The following DNMBP variants were observed in gnomAD, a reference collection of about 807,000 sequenced individuals.
The protein encoded by DNMBP is dynamin-binding protein.
Under a neutral mutation model 150.0 loss-of-function variants are expected in DNMBP, and 87 were observed. The ratio of observed to expected loss-of-function variants is 0.58; its 90% confidence interval spans 0.49 to 0.69. DNMBP has a LOEUF of 0.69. Among genes scored for constraint, DNMBP ranks in the 30% least tolerant of loss-of-function variants. The probability of loss-of-function intolerance (pLI) is 0.00; values close to 1 mark genes in which losing one functional copy is unlikely to be tolerated. For synonymous variants in DNMBP, 711 were observed against 750.4 expected (o/e 0.95, Z 0.86); for missense variants, 1,774 against 1,949.0 (o/e 0.91, Z 1.69).
intron 4 of DNMBP, among the ~76,000 whole-genome samples, chr10:99,952,600 T>A (rs992320988): frequency 1.3e-5 from 2 of 152,210 alleles, no homozygotes; most frequent in African/African-American, 2.4e-5. Flanking sequence ...TTACACTGAA[T>A]GTGCTCTAGG....
chr10:99,894,996 A>G lies in DNMBP; in HGVS notation c.3106T>C (p.Leu1036=), dbSNP rs1425923853. The G allele has an allele frequency of 6.2e-7, 1 of 1,613,942 alleles. No individual in the cohort carries two copies. Among genetic ancestry groups the G allele is most frequent in the African/African-American group, 1.3e-5 (1 of 74,904 alleles). The change falls in exon 11 of 17, where the codon TTG becomes CTG. Residue 1036 remains leucine, a synonymous_variant. Transcript: ENST00000324109. ...TEKNFRMQER[L]IKSFIRDLSL... Reference sequence around the variant, plus strand: ...AGGTCTCGGATAAAAGACTTAATCAATCTTTCTTGCATTCGGAAGTTTTTT... The same window carrying G: ...AGGTCTCGGATAAAAGACTTAATCAGTCTTTCTTGCATTCGGAAGTTTTTT...
In DNMBP at chr10:99,969,176, CCT is replaced by C; in HGVS notation, c.205_206del (p.Arg69AlafsTer7). ...TGAATTCACAAATGCACACAAACAG[CCT>C]CTCTCCCTCTTTTAGACTGGGAATG... ...VTIPSLKEGE[R>X]LFVCICEFTS... On this transcript the variant is annotated frameshift_variant, in exon 3 of 17. Coordinates refer to ENST00000324109, the MANE Select transcript of DNMBP (RefSeq NM_015221.4). LOFTEE classifies it high-confidence loss of function. The C allele has an allele frequency of 6.2e-7, 1 of 1,613,988 alleles. No individual in the cohort carries two copies. The highest frequency in any genetic ancestry group is 8.5e-7 in the Non-Finnish European group (1 of 1,179,890).
Position 99,875,785 on chromosome 10 carries a change from C to T in DNMBP, c.*1366G>A, listed in dbSNP as rs1185118568. The T allele has an allele frequency of 6.6e-6, 1 of 152,150 alleles. No individual in the cohort carries two copies. Among genetic ancestry groups the T allele is most frequent in the Non-Finnish European group, 1.5e-5 (1 of 68,024 alleles). 9.4% of individuals were successfully genotyped at this position (152,150 alleles called of 1,614,324 possible). A position where few individuals can be genotyped will look rare whatever the true frequency, so the allele number is the denominator to read the frequency against. ...AGGAACAGGGGCTGTAAGGCTATTT[C>T]TTCCCTTTCTTTTAAAAGACAAATT... is the stretch of plus-strand genomic sequence containing the variant. On this transcript the variant is annotated 3_prime_UTR_variant, in exon 17 of 17. Coordinates refer to ENST00000324109, the MANE Select transcript of DNMBP (RefSeq NM_015221.4).
At chr10:99,885,203 T>C (rs1325743408) in intron 14 of DNMBP, among the ~76,000 whole-genome samples, 6 of 152,046 alleles carry the variant, frequency 3.9e-5, no homozygotes, top group Non-Finnish European at 7.4e-5. Flanking sequence ...TAATACTGGG[T>C]TAATCCCCTC....
intron 10 of DNMBP, 71 bp from the exon 11 acceptor site, chr10:99,895,121 G>GC (rs922636464): frequency 1.6e-6 from 1 of 632,848 alleles, no homozygotes; most frequent in Non-Finnish European, 2.4e-6. Context: ...AAAGTAGCTT[G>GC]CTTTTTTTTT....
rs138691154 is a variant in DNMBP at position 99,951,365 on chromosome 10, C to T, written c.2260+3849G>A. Among the ~76,000 whole-genome samples, 32 of 152,312 alleles carry T rather than the reference C, an allele frequency of 2.1e-4. No homozygotes were observed. The South Asian group carries it at 6.6e-3, about 32-fold the overall frequency. On this transcript the variant is annotated intron_variant, in intron 4 of 16. Transcript: ENST00000324109. ...CCTCTACACAGAGTCCCTACTGGGG[C>T]ACCACCTAGTGGAGCTGTGAGAAGA...
Position 100,009,944 on chromosome 10 carries a change from G to C in DNMBP, c.-117C>G, listed in dbSNP as rs1396854120. On this transcript the variant is annotated 5_prime_UTR_variant, in exon 1 of 17. Transcript: ENST00000324109. Reference sequence around the variant, plus strand: ...TGGAAGCGGCGGGCGGGTCGATCCCGTGTGAGTCAGCGCGCCGCCCCGCCT... The same window carrying C: ...TGGAAGCGGCGGGCGGGTCGATCCCCTGTGAGTCAGCGCGCCGCCCCGCCT... The C allele has an allele frequency of 2.7e-5, 4 of 148,218 alleles. No individual in the cohort carries two copies. The East Asian group carries it at 5.8e-4, about 22-fold the overall frequency. 9.2% of individuals were successfully genotyped at this position (148,218 alleles called of 1,614,324 possible).
At chr10:99,896,146 C>T (rs2039649208) in intron 10 of DNMBP, 121 bp downstream of exon 10, 2 of 1,169,488 alleles carry the variant, frequency 1.7e-6, no homozygotes, top group Non-Finnish European at 2.4e-6. Flanking sequence ...TCTCCACCAG[C>T]TCGTAAAACC....
intron 15 of DNMBP, among the ~76,000 whole-genome samples, chr10:99,880,887 C>A (rs1257036288): frequency 6.6e-6 from 1 of 152,136 alleles, no homozygotes; most frequent in African/African-American, 2.4e-5. Flanking sequence ...ATTGCTTGAG[C>A]CCAGTTCCCT....
At chr10:99,912,880 ACACT>A (rs577179073) in intron 4 of DNMBP, among the ~76,000 whole-genome samples, 15 of 152,220 alleles carry the variant, frequency 9.9e-5, no homozygotes, top group Non-Finnish European at 2.1e-4. Flanking sequence ...ACATTTATTA[ACACT>A]CAAAGAGAGT....
intron 11 of DNMBP, among the ~76,000 whole-genome samples, chr10:99,892,029 G>C (rs1277308838): frequency 7.3e-6 from 1 of 136,974 alleles, no homozygotes; most frequent in African/African-American, 3.2e-5. Context: ...CAGCCGCCCC[G>C]TCCGGGAGGG....
intron 6 of DNMBP, among the ~76,000 whole-genome samples, chr10:99,904,662 C>G (rs771170892): frequency 1.3e-5 from 2 of 152,196 alleles, no homozygotes; most frequent in Non-Finnish European, 2.9e-5. Flanking sequence ...AGTCCTTGCG[C>G]CTAGGTCTCA....
intron 4 of DNMBP, among the ~76,000 whole-genome samples, chr10:99,923,770 TTC>T (rs199780338): frequency 0.074 from 11,265 of 152,288 alleles, 680 homozygotes; most frequent in African/African-American, 0.17. Context: ...TTCTCCTTGC[TTC>T]TCTCTGCCTA....
chr10:99,886,062 A>C (rs757187405), intron 13 of DNMBP, among the ~76,000 whole-genome samples, 196 bp from the exon 14 acceptor site: 3 of 152,174 alleles, frequency 2.0e-5, no homozygotes, highest in Non-Finnish European at 4.4e-5. Flanking sequence ...TCTCCAGGGC[A>C]CTGCCTGCGG....
intron 4 of DNMBP, among the ~76,000 whole-genome samples, chr10:99,939,467 G>A (rs1183501978): frequency 1.3e-5 from 2 of 152,210 alleles, no homozygotes; most frequent in Non-Finnish European, 2.9e-5. Context: ...ATAACAGTGA[G>A]AAAATTACAA....
At chr10:99,987,356 A>G (rs112064790) in intron 1 of DNMBP, among the ~76,000 whole-genome samples, 3,894 of 152,224 alleles carry the variant, frequency 0.026, 69 homozygotes, top group Non-Finnish European at 0.041. Flanking sequence ...AATAAGAAAA[A>G]GAAAATAATA....
intron 11 of DNMBP, among the ~76,000 whole-genome samples, chr10:99,892,396 C>G (rs1465008297): frequency 1.4e-5 from 2 of 140,874 alleles, no homozygotes; most frequent in Non-Finnish European, 3.1e-5. Context: ...GGAGACTTTT[C>G]ATTTTGTTCT....
intron 1 of DNMBP, among the ~76,000 whole-genome samples, chr10:99,997,927 CAAAAAAAAA>C: frequency 4.5e-5 from 1 of 22,328 alleles, no homozygotes; most frequent in Middle Eastern, 0.056. Context: ...GACTCTGTCT[CAAAAAAAAA>C]AAAAAAAAAA....
chr10:99,953,512 A>C (rs1427911615), intron 4 of DNMBP, among the ~76,000 whole-genome samples: 1 of 152,106 alleles, frequency 6.6e-6, no homozygotes, highest in Non-Finnish European at 1.5e-5. Context: ...TAATATGGTA[A>C]TAAATGTTAG....
Sources: allele counts gnomAD v4.1 joint callset (sites outside exome capture counted in the v4.1 genomes callset), GRCh38; gene constraint gnomAD v4.1.1; transcripts MANE v1.5; gene names NCBI Gene and HGNC (gene_info 2026-07-23, HGNC 2026-07-21).